Variants in HS6ST3 observed in about 807,000 individuals in gnomAD.
HS6ST3 encodes heparan-sulfate 6-O-sulfotransferase 3.
HS6ST3 carries 12 observed loss-of-function variants against 36.7 expected under a neutral mutation model. The ratio of observed to expected loss-of-function variants is 0.33; its 90% confidence interval spans 0.21 to 0.53. The LOEUF is 0.53. Among genes scored for constraint, HS6ST3 ranks in the 20% least tolerant of loss-of-function variants. HS6ST3 has a pLI of 0.95. For missense variants in HS6ST3, 584 were observed against 640.9 expected (o/e 0.91, Z 0.96); for synonymous variants, 240 against 257.5 (o/e 0.93, Z 0.65).
intron 1 of HS6ST3, among the ~76,000 whole-genome samples, chr13:96,576,606 A>C (rs1158677685): frequency 6.6e-6 from 1 of 152,192 alleles, no homozygotes; most frequent in Non-Finnish European, 1.5e-5. Context: ...TTGGCCACGC[A>C]AGAATTTACA....
chr13:96,401,867 C>T (rs1381163271), intron 1 of HS6ST3, among the ~76,000 whole-genome samples: 2 of 152,202 alleles, frequency 1.3e-5, no homozygotes, highest in African/African-American at 4.8e-5. Context: ...AGTCACCGCA[C>T]CCAGCAGGAT....
intron 1 of HS6ST3, among the ~76,000 whole-genome samples, chr13:96,523,289 C>A (rs1271620556): frequency 6.6e-6 from 1 of 152,072 alleles, no homozygotes; most frequent in Non-Finnish European, 1.5e-5. Context: ...CTCTTGCTGC[C>A]CTTTACATTT....
intron 1 of HS6ST3, among the ~76,000 whole-genome samples, chr13:96,653,863 G>A (rs1311035123): frequency 6.6e-6 from 1 of 152,110 alleles, no homozygotes; most frequent in Non-Finnish European, 1.5e-5. Context: ...ATCCTCTCAA[G>A]CATCTGTTGT....
chr13:96,120,921 TCTGGAGA>T (rs2139306131), intron 1 of HS6ST3, among the ~76,000 whole-genome samples: 1 of 152,316 alleles, frequency 6.6e-6, no homozygotes, highest in Admixed American at 6.5e-5. Context: ...GTCAGTCTCA[TCTGGAGA>T]CTGGATAAAG....
At chr13:96,739,968 C>T (rs1044954857) in intron 1 of HS6ST3, among the ~76,000 whole-genome samples, 1 of 152,108 alleles carries the variant, frequency 6.6e-6, no homozygotes, top group Non-Finnish European at 1.5e-5. Flanking sequence ...CTCACTTATA[C>T]TTCCCCTTCA....
intron 1 of HS6ST3, among the ~76,000 whole-genome samples, chr13:96,544,030 G>A (rs1480517582): frequency 6.6e-6 from 1 of 151,892 alleles, no homozygotes; most frequent in African/African-American, 2.4e-5. Context: ...TAACTTGACA[G>A]TAGTCGATCT....
rs1755296747 is a variant in HS6ST3, at chr13:96,165,258, G to A, written c.707+73689G>A. On this transcript the variant is annotated intron_variant, in intron 1 of 1. Transcript: ENST00000376705. ...CTAGGATTGTCTGGAGGCCTCAATT[G>A]ACTCCTTCTTTCTATAGGTTTACCT... Among the ~76,000 whole-genome samples the A allele has an allele frequency of 2.0e-5, 3 of 152,134 alleles. No individual in the cohort carries two copies. The South Asian group carries it at 6.2e-4, about 32-fold the overall frequency.
At chr13:96,601,786 T>A (rs555066541) in intron 1 of HS6ST3, among the ~76,000 whole-genome samples, 1 of 152,348 alleles carries the variant, frequency 6.6e-6, no homozygotes, top group East Asian at 1.9e-4. Flanking sequence ...CTGGATTTTT[T>A]AAAAATTCCT....
intron 1 of HS6ST3, among the ~76,000 whole-genome samples, chr13:96,486,231 A>G (rs1302583355): frequency 6.6e-6 from 1 of 152,022 alleles, no homozygotes; most frequent in Admixed American, 6.6e-5. Flanking sequence ...TCTATGGTGT[A>G]TATGTGCCAC....
At chr13:96,331,901 C>A (rs573797868) in intron 1 of HS6ST3, among the ~76,000 whole-genome samples, 1 of 152,210 alleles carries the variant, frequency 6.6e-6, no homozygotes, top group African/African-American at 2.4e-5. Context: ...TTTTTTAAGC[C>A]GGTCTGAAAA....
chr13:96,410,121 T>C (rs898384384), intron 1 of HS6ST3, among the ~76,000 whole-genome samples: 1 of 152,158 alleles, frequency 6.6e-6, no homozygotes, highest in African/African-American at 2.4e-5. Context: ...ATAATGATAG[T>C]TTTGACTACG....
chr13:96,614,713 A>G (rs1003378726), intron 1 of HS6ST3, among the ~76,000 whole-genome samples: 11 of 152,228 alleles, frequency 7.2e-5, no homozygotes, highest in African/African-American at 2.7e-4. Context: ...AAATAAAAAT[A>G]ATGTGTTATC....
chr13:96,814,484 G>A (rs1264420719), intron 1 of HS6ST3, among the ~76,000 whole-genome samples: 1 of 152,096 alleles, frequency 6.6e-6, no homozygotes, highest in South Asian at 2.1e-4. Context: ...TATCTTTGGG[G>A]TTTTAACATT....
At chr13:96,735,493 T>C (rs948173092) in intron 1 of HS6ST3, among the ~76,000 whole-genome samples, 1 of 152,166 alleles carries the variant, frequency 6.6e-6, no homozygotes, top group Non-Finnish European at 1.5e-5. Context: ...ATATTAAGCA[T>C]TAAAACTTGT....
At chr13:96,482,125 A>G (rs1304882017) in intron 1 of HS6ST3, among the ~76,000 whole-genome samples, 1 of 152,238 alleles carries the variant, frequency 6.6e-6, no homozygotes, top group Non-Finnish European at 1.5e-5. Context: ...TGTTATTCAC[A>G]GTGTCTCACA....
intron 1 of HS6ST3, among the ~76,000 whole-genome samples, chr13:96,566,512 A>G (rs1594808341): frequency 1.3e-5 from 2 of 152,316 alleles, no homozygotes; most frequent in Middle Eastern, 3.4e-3. Flanking sequence ...AAAAAAAGCT[A>G]TTAAAGGATA....
At chr13:96,820,968 A>G (rs1474310745) in intron 1 of HS6ST3, among the ~76,000 whole-genome samples, 2 of 152,214 alleles carry the variant, frequency 1.3e-5, no homozygotes, top group African/African-American at 2.4e-5. Context: ...ATTCTCTTGC[A>G]TAGCTATTTT....
At chr13:96,635,867 G>A (rs1000488624) in intron 1 of HS6ST3, among the ~76,000 whole-genome samples, 18 of 152,036 alleles carry the variant, frequency 1.2e-4, no homozygotes, top group African/African-American at 4.1e-4. Flanking sequence ...AACCCTACAT[G>A]AATATGATAT....
At chr13:96,514,295 C>T (rs748764804) in intron 1 of HS6ST3, among the ~76,000 whole-genome samples, 32 of 152,112 alleles carry the variant, frequency 2.1e-4, no homozygotes, top group Admixed American at 2.6e-4. Flanking sequence ...GTGCAGCCAG[C>T]AGGATTTGGT....
Sources: allele counts gnomAD v4.1 joint callset (sites outside exome capture counted in the v4.1 genomes callset), GRCh38; gene constraint gnomAD v4.1.1; transcripts MANE v1.5; gene names NCBI Gene and HGNC (gene_info 2026-07-23, HGNC 2026-07-21).